DIAPH1: variants seen among roughly 807,000 people sequenced by gnomAD.
The protein encoded by DIAPH1 is protein diaphanous homolog 1.
DIAPH1 carries 46 observed loss-of-function variants against 140.7 expected under a neutral mutation model. The ratio of observed to expected loss-of-function variants is 0.33; its 90% CI spans 0.26 to 0.42. DIAPH1 has a LOEUF of 0.42. DIAPH1 is among the 10% of genes least tolerant of loss of function. The pLI is 1.00. For synonymous variants in DIAPH1, 565 were observed against 551.6 expected (o/e 1.02, Z -0.34); for missense variants, 1,310 against 1,558.7 (o/e 0.84, Z 2.69).
At chr5:141,524,334 C>A in intron 26 of DIAPH1, 105 bp from the exon 27 acceptor site, 1 of 1,067,996 alleles carries the variant, frequency 9.4e-7, no homozygotes, top group Non-Finnish European at 1.4e-6. Flanking sequence ...TTCCCCTCTC[C>A]CACAGCAGCT....
At chr5:141,597,299 T>G (rs898288349) in intron 1 of DIAPH1, among the ~76,000 whole-genome samples, 3 of 152,104 alleles carry the variant, frequency 2.0e-5, no homozygotes, top group Non-Finnish European at 2.9e-5. Flanking sequence ...TACAAAGGAA[T>G]CAGAGCAGTT....
At chr5:141,595,266 C>T (rs2099899130) in intron 1 of DIAPH1, among the ~76,000 whole-genome samples, 1 of 152,102 alleles carries the variant, frequency 6.6e-6, no homozygotes, top group Admixed American at 6.6e-5. Flanking sequence ...GGATATATGT[C>T]ATTCATGGAT....
intron 8 of DIAPH1, among the ~76,000 whole-genome samples, chr5:141,580,141 T>C (rs1342356827): frequency 6.6e-6 from 1 of 152,152 alleles, no homozygotes. Flanking sequence ...AAAGAATGAT[T>C]TAGCTTTGGT....
chr5:141,586,737 A>G (rs2099897614), intron 3 of DIAPH1, among the ~76,000 whole-genome samples: 1 of 152,188 alleles, frequency 6.6e-6, no homozygotes, highest in Admixed American at 6.6e-5. Context: ...GGTGGTCTCC[A>G]TATTACCAAC....
chr5:141,520,676 C>CAAAATAA (rs1158515856), intron 27 of DIAPH1, among the ~76,000 whole-genome samples: 6 of 152,136 alleles, frequency 3.9e-5, no homozygotes, highest in African/African-American at 1.4e-4. Flanking sequence ...ACAAAATAGA[C>CAAAATAA]TAACACAGGT....
intron 1 of DIAPH1, among the ~76,000 whole-genome samples, chr5:141,590,126 C>G (rs1039396621): frequency 6.6e-5 from 10 of 152,184 alleles, no homozygotes; most frequent in Admixed American, 1.3e-4. Context: ...TATTTTTCCT[C>G]TTTCATGGAC....
intron 1 of DIAPH1, among the ~76,000 whole-genome samples, chr5:141,612,981 T>C (rs868562953): frequency 2.0e-5 from 3 of 152,050 alleles, no homozygotes; most frequent in Admixed American, 1.3e-4. Flanking sequence ...AAATTACAAA[T>C]CCAAAGCCTT....
Position 141,516,770 on chromosome 5 carries a change from C to T in DIAPH1, c.*81G>A. ...GGAGTGGCCACCCCAGAGGAATATC[C>T]CCTTGAGCCTTTAGGCACATGCTGC... On this transcript the variant is annotated 3_prime_UTR_variant, in exon 28 of 28. Transcript: ENST00000389054. 6.5e-7 allele frequency: 1 copy of T among 1,549,646 alleles called. No individual in the cohort carries two copies. Among genetic ancestry groups the T allele is most frequent in the East Asian group, 2.2e-5 (1 of 44,500 alleles).
chr5:141,596,133 T>A (rs1161050341), intron 1 of DIAPH1, among the ~76,000 whole-genome samples: 1 of 152,084 alleles, frequency 6.6e-6, no homozygotes, highest in Non-Finnish European at 1.5e-5. Context: ...ATCGAGACCA[T>A]CCTGGCTAAC....
intron 18 of DIAPH1, among the ~76,000 whole-genome samples, chr5:141,544,825 G>T (rs1270131029): frequency 6.6e-6 from 1 of 152,180 alleles, no homozygotes; most frequent in Admixed American, 6.5e-5. Context: ...TTGGAAAACA[G>T]TTTGGCAGTT....
intron 18 of DIAPH1, among the ~76,000 whole-genome samples, chr5:141,538,048 T>C (rs895820454): frequency 6.8e-6 from 1 of 147,432 alleles, no homozygotes; most frequent in African/African-American, 2.5e-5. Flanking sequence ...TGAGCCACCA[T>C]GCCTGGCTGT....
At chr5:141,587,896 A>C (rs2099897779) in intron 2 of DIAPH1, among the ~76,000 whole-genome samples, 1 of 152,244 alleles carries the variant, frequency 6.6e-6, no homozygotes, top group African/African-American at 2.4e-5. Context: ...AGAGTCACCA[A>C]TAAGCAACAG....
At position 141,527,699 on chromosome 5, in the gene DIAPH1, T is replaced by TAAAAAATA; in HGVS notation, c.3149-3_3149-2insTATTTTTT. The TAAAAAATA allele has an allele frequency of 8.8e-7, 1 of 1,130,080 alleles. No homozygotes were observed. Among genetic ancestry groups the TAAAAAATA allele is most frequent in the Non-Finnish European group, 1.1e-6 (1 of 891,156 alleles). The allele number at this position is 1,130,080 out of a possible 1,614,324, so 70.0% of individuals were successfully genotyped here. ...TCTTTTGCAAGTTTTCAGCAGAAAC[T>TAAAAAATA]AAAAAAAAAAAAAAAAAAAAAAACC... On this transcript the variant is annotated splice_polypyrimidine_tract_variant and splice_region_variant and intron_variant, in intron 23 of 27. Transcript: ENST00000389054.
intron 27 of DIAPH1, 62 bp downstream of exon 27, chr5:141,524,081 G>A: frequency 7.2e-7 from 1 of 1,392,368 alleles, no homozygotes; most frequent in South Asian, 1.2e-5. Context: ...GCCGCAGACT[G>A]GCAGGAGTAG....
chr5:141,532,179 G>GTT (rs375556814), intron 19 of DIAPH1, among the ~76,000 whole-genome samples: 1 of 146,084 alleles, frequency 6.8e-6, no homozygotes, highest in African/African-American at 2.5e-5. Flanking sequence ...TAATTTTTTG[G>GTT]TTTTTTTTTT....
At chr5:141,518,893 A>G in intron 27 of DIAPH1, 1 of 1,522,364 alleles carries the variant, frequency 6.6e-7, no homozygotes, top group South Asian at 1.2e-5. Context: ...TCATCCCAGG[A>G]GAGGCTGCCC....
chr5:141,618,968 G>C lies in DIAPH1; in HGVS notation c.-54C>G, dbSNP rs1180496257. 2 of 1,047,332 alleles carry C rather than the reference G, an allele frequency of 1.9e-6. No individual in the cohort carries two copies. The highest frequency in any genetic ancestry group is 1.7e-5 in the African/African-American group (1 of 58,980). The allele number at this position is 1,047,332 out of a possible 1,614,324, so 64.9% of individuals were successfully genotyped here. ...GCGCCTACGCCGCTCCCGCCTGGCA[G>C]CTCCGCGCCCGCCGCCGCCCAGTCG... is the stretch of plus-strand genomic sequence containing the variant. On this transcript the variant is annotated 5_prime_UTR_variant, in exon 1 of 28. Coordinates refer to ENST00000389054, the MANE Select transcript of DIAPH1 (RefSeq NM_005219.5).
chr5:141,561,989 T>C (rs1596368632), intron 18 of DIAPH1: 1 of 152,238 alleles, frequency 6.6e-6, no homozygotes, highest in East Asian at 1.9e-4. Context: ...TGTTCAAGTA[T>C]CACACTCGAG....
intron 4 of DIAPH1, 48 bp downstream of exon 4, chr5:141,584,076 G>T: frequency 8.0e-7 from 1 of 1,248,670 alleles, no homozygotes; most frequent in Non-Finnish European, 1.2e-6. Flanking sequence ...ACAGGTCCAA[G>T]ACAAGGGCAC....
Sources: allele counts gnomAD v4.1 joint callset (sites outside exome capture counted in the v4.1 genomes callset), GRCh38; gene constraint gnomAD v4.1.1; transcripts MANE v1.5; gene names NCBI Gene and HGNC (gene_info 2026-07-23, HGNC 2026-07-21).